The following TRERF1 variants were observed in gnomAD, a reference collection of about 807,000 sequenced individuals.
TRERF1 encodes the protein transcriptional regulating factor 1, also known as transcriptional-regulating factor 1.
TRERF1 carries 27 observed loss-of-function variants against 122.9 expected under a neutral mutation model. The ratio of observed to expected loss-of-function variants is 0.22; its 90% CI spans 0.16 to 0.30. The LOEUF is 0.30. Among genes scored for constraint, TRERF1 ranks in the 10% least tolerant of loss-of-function variants. The pLI is 1.00. For missense variants in TRERF1, 1,248 were observed against 1,560.3 expected (o/e 0.80, Z 3.37); for synonymous variants, 636 against 641.7 (o/e 0.99, Z 0.13).
chr6:42,317,579 T>C (rs767698139), intron 3 of TRERF1, among the ~76,000 whole-genome samples: 2 of 152,076 alleles, frequency 1.3e-5, no homozygotes, highest in Non-Finnish European at 2.9e-5. Context: ...GCTCTTGAAC[T>C]CCTGGGCTCA....
At chr6:42,316,949 T>C (rs1762599465) in intron 3 of TRERF1, among the ~76,000 whole-genome samples, 1 of 152,204 alleles carries the variant, frequency 6.6e-6, no homozygotes, top group African/African-American at 2.4e-5. Context: ...GAACTTAAGA[T>C]GGGTCTTTTG....
At chr6:42,322,640 G>A (rs1287851549) in intron 3 of TRERF1, among the ~76,000 whole-genome samples, 1 of 152,150 alleles carries the variant, frequency 6.6e-6, no homozygotes, top group Admixed American at 6.5e-5. Flanking sequence ...ATAGAGGTGT[G>A]GGGAGGATTA....
At chr6:42,339,509 T>C (rs139515888) in intron 3 of TRERF1, among the ~76,000 whole-genome samples, 144 of 152,352 alleles carry the variant, frequency 9.5e-4, no homozygotes, top group African/African-American at 3.3e-3. Context: ...GGAAACTCAA[T>C]AGCTACGAAT....
In TRERF1 at chr6:42,269,555, C is replaced by T. The variant is rs1582709439; in HGVS notation, c.36G>A (p.Val12=). ...AGAAAAGGTTCTCACTACCATGGGC[C>T]ACATGGTTGGTCTTGTACAGTTGCT... The change falls in exon 5 of 18, where the codon GTG becomes GTA. Residue 12 remains valine (V), a synonymous_variant. Coordinates refer to ENST00000372922, the Ensembl canonical transcript of TRERF1. The surrounding 1 kb of genome is among the most constrained non-coding windows in gnomAD (Gnocchi z 4.9). 1 of 1,614,148 alleles carries T rather than the reference C, an allele frequency of 6.2e-7. No homozygotes were observed. The highest frequency in any genetic ancestry group is 2.2e-5 in the East Asian group (1 of 44,888).
chr6:42,285,220 A>T (rs1325937989), intron 4 of TRERF1, among the ~76,000 whole-genome samples: 1 of 151,958 alleles, frequency 6.6e-6, no homozygotes, highest in Non-Finnish European at 1.5e-5. Context: ...TTGGATTCCT[A>T]GGTATTTTAT....
intron 2 of TRERF1, among the ~76,000 whole-genome samples, chr6:42,375,790 G>A (rs942680243): frequency 1.3e-5 from 2 of 152,078 alleles, no homozygotes; most frequent in African/African-American, 4.8e-5. Flanking sequence ...GAAGGTGCAG[G>A]AGGTGTAAAG....
At chr6:42,442,674 A>C (rs1395411641) in intron 2 of TRERF1, among the ~76,000 whole-genome samples, 1 of 152,248 alleles carries the variant, frequency 6.6e-6, no homozygotes, top group Non-Finnish European at 1.5e-5. Flanking sequence ...TCATGCCAAA[A>C]ACATGCTTAA....
intron 3 of TRERF1, among the ~76,000 whole-genome samples, chr6:42,314,173 G>A (rs117010718): frequency 6.6e-6 from 1 of 152,236 alleles, no homozygotes; most frequent in East Asian, 1.9e-4. Context: ...TACATATTAG[G>A]AAATGAAAAC....
intron 8 of TRERF1, among the ~76,000 whole-genome samples, chr6:42,260,966 G>A (rs2149796602): frequency 6.6e-6 from 1 of 152,256 alleles, no homozygotes; most frequent in South Asian, 2.1e-4. Context: ...GGGAAAGGAG[G>A]AGGGGGCAGA....
chr6:42,448,662 C>T (rs1787961109), intron 2 of TRERF1, among the ~76,000 whole-genome samples: 2 of 152,198 alleles, frequency 1.3e-5, no homozygotes, highest in African/African-American at 2.4e-5. Context: ...GATCAAACCA[C>T]GCACTTTTAA....
chr6:42,256,808 A>T (rs2295275), exon 12 of TRERF1: 108,501 of 1,614,146 alleles, frequency 0.067, 3,995 homozygotes, highest in East Asian at 0.093. Context: ...GCACTGGAAC[A>T]GCACAAATTC....
At chr6:42,416,022 T>C (rs948664449) in intron 2 of TRERF1, among the ~76,000 whole-genome samples, 1 of 152,176 alleles carries the variant, frequency 6.6e-6, no homozygotes, top group Non-Finnish European at 1.5e-5. Flanking sequence ...TATGTTAATA[T>C]AATTTTATTA....
chr6:42,310,075 TAACTC>T (rs1213023432), intron 3 of TRERF1, among the ~76,000 whole-genome samples: 1 of 151,114 alleles, frequency 6.6e-6, no homozygotes, highest in South Asian at 2.1e-4. Context: ...AAATTAAACT[TAACTC>T]AGCTTTTCAG....
intron 2 of TRERF1, among the ~76,000 whole-genome samples, chr6:42,405,370 C>T (rs548317530): frequency 6.6e-6 from 1 of 152,250 alleles, no homozygotes; most frequent in East Asian, 1.9e-4. Flanking sequence ...CTCTCTAGGC[C>T]TCCATTTCCT....
At chr6:42,294,029 C>T (rs1381885815) in intron 4 of TRERF1, among the ~76,000 whole-genome samples, 1 of 152,088 alleles carries the variant, frequency 6.6e-6, no homozygotes, top group African/African-American at 2.4e-5. Flanking sequence ...GACACCTGAT[C>T]CCTAAGGATC....
intron 3 of TRERF1, among the ~76,000 whole-genome samples, chr6:42,357,640 T>C (rs956450849): frequency 2.6e-5 from 4 of 152,208 alleles, no homozygotes; most frequent in African/African-American, 7.2e-5. Flanking sequence ...CCAACTTGCT[T>C]TGGCTCCAGG....
intron 2 of TRERF1, among the ~76,000 whole-genome samples, chr6:42,385,139 G>A (rs1776583462): frequency 6.6e-6 from 1 of 152,052 alleles, no homozygotes; most frequent in African/African-American, 2.4e-5. Context: ...ACCACGCCCG[G>A]CTAATTTTTG....
chr6:42,390,753 C>T (rs1328047119), intron 2 of TRERF1, among the ~76,000 whole-genome samples: 3 of 152,170 alleles, frequency 2.0e-5, no homozygotes, highest in South Asian at 2.1e-4. Context: ...CAGTTGTGGG[C>T]GAGCTTTACT....
chr6:42,375,090 G>A (rs1774593968), intron 2 of TRERF1, among the ~76,000 whole-genome samples: 1 of 151,850 alleles, frequency 6.6e-6, no homozygotes, highest in South Asian at 2.1e-4. Flanking sequence ...CTGGAAGCTG[G>A]AAGAAACCCA....
Sources: allele counts gnomAD v4.1 joint callset (sites outside exome capture counted in the v4.1 genomes callset), GRCh38; gene constraint gnomAD v4.1.1; non-coding constraint Gnocchi (gnomAD v3.1); transcripts MANE v1.5; gene names NCBI Gene and HGNC (gene_info 2026-07-23, HGNC 2026-07-21).